KIAA1328: variants seen among roughly 807,000 people sequenced by gnomAD.
KIAA1328 encodes KIAA1328, also known as protein hinderin.
Under a neutral mutation model 68.1 loss-of-function variants are expected in KIAA1328, and 52 were observed. That is an observed-to-expected ratio of 0.76 (90% CI 0.61 to 0.96). KIAA1328 has a LOEUF of 0.96. KIAA1328 is among the 40% of genes least tolerant of loss of function. KIAA1328 has a pLI of 0.00. For missense variants in KIAA1328, 641 were observed against 677.6 expected, an observed-to-expected ratio of 0.95 and a Z score of 0.60; for synonymous variants, 232 against 239.4, an observed-to-expected ratio of 0.97 and a Z score of 0.28.
intron 6 of KIAA1328, among the ~76,000 whole-genome samples, chr18:37,001,418 T>A (rs1054496123): frequency 6.6e-6 from 1 of 152,112 alleles, no homozygotes; most frequent in African/African-American, 2.4e-5. Flanking sequence ...ACTGGATAGA[T>A]TCACAGCCAA....
intron 9 of KIAA1328, among the ~76,000 whole-genome samples, chr18:37,182,902 A>G (rs918342153): frequency 1.3e-5 from 2 of 152,202 alleles, no homozygotes; most frequent in African/African-American, 2.4e-5. Flanking sequence ...TCTGGGAAAC[A>G]AGACTTCTTT....
rs1001128581 is a variant in KIAA1328, at chr18:37,205,818, G to A, written c.1524-16199G>A. On this transcript the variant is annotated intron_variant, in intron 9 of 9. Coordinates refer to ENST00000280020, the MANE Select transcript of KIAA1328 (RefSeq NM_020776.3). ...CATGCTAAGATTTACATCTATAGGGGACCATGAGGTCCAGCAGGGCATTAA... is the reference window on the plus strand; with the variant it reads ...CATGCTAAGATTTACATCTATAGGGAACCATGAGGTCCAGCAGGGCATTAA... Among the ~76,000 whole-genome samples the A allele has an allele frequency of 2.0e-5, 3 of 152,150 alleles. No individual in the cohort carries two copies. The South Asian group carries it at 6.2e-4, about 32-fold the overall frequency.
intron 5 of KIAA1328, among the ~76,000 whole-genome samples, chr18:36,919,195 C>G (rs978974987): frequency 2.6e-5 from 4 of 152,148 alleles, no homozygotes; most frequent in Admixed American, 2.6e-4. Flanking sequence ...GTTAATACTT[C>G]TCATGAAATC....
intron 9 of KIAA1328, among the ~76,000 whole-genome samples, chr18:37,181,309 G>A (rs1311962967): frequency 6.6e-6 from 1 of 152,022 alleles, no homozygotes; most frequent in East Asian, 1.9e-4. Flanking sequence ...AAACATGCCT[G>A]TCTCCCATGT....
chr18:37,188,213 TC>T (rs1251693191), intron 9 of KIAA1328, among the ~76,000 whole-genome samples: 1 of 152,202 alleles, frequency 6.6e-6, no homozygotes, highest in Non-Finnish European at 1.5e-5. Context: ...TTAGTCAGCA[TC>T]CCTTCATTCC....
chr18:37,079,901 AC>A (rs1279600886), intron 7 of KIAA1328, among the ~76,000 whole-genome samples: 6 of 151,402 alleles, frequency 4.0e-5, no homozygotes, highest in African/African-American at 7.3e-5. Flanking sequence ...AAAAAAAAAA[AC>A]AGTTCAATAA....
intron 6 of KIAA1328, among the ~76,000 whole-genome samples, chr18:36,990,698 T>G (rs2053141829): frequency 6.6e-6 from 1 of 151,626 alleles, no homozygotes; most frequent in South Asian, 2.1e-4. Context: ...ATATTTGTGT[T>G]TTTTTCTAAT....
chr18:37,226,113 T>A (rs186748887), downstream of KIAA1328, among the ~76,000 whole-genome samples: 2 of 152,244 alleles, frequency 1.3e-5, no homozygotes, highest in Admixed American at 1.3e-4. Flanking sequence ...CTCTCTTTCC[T>A]TTTGCAGCAA....
chr18:37,164,082 T>C (rs1408102215), intron 8 of KIAA1328, among the ~76,000 whole-genome samples: 1 of 152,210 alleles, frequency 6.6e-6, no homozygotes, highest in African/African-American at 2.4e-5. Flanking sequence ...TTCTCTAAAA[T>C]GGAAAGAAAT....
chr18:37,079,323 C>A (rs56294516), intron 7 of KIAA1328, among the ~76,000 whole-genome samples: 122 of 86,846 alleles, frequency 1.4e-3, no homozygotes, highest in African/African-American at 2.2e-3. Context: ...CACAGCGGGG[C>A]CTGTTGTGGG....
intron 4 of KIAA1328, among the ~76,000 whole-genome samples, chr18:36,871,935 G>T (rs1341329460): frequency 3.9e-5 from 6 of 152,068 alleles, no homozygotes; most frequent in Admixed American, 3.9e-4. Context: ...GAACTCTCTT[G>T]CAGGCTTTTT....
chr18:37,214,285 C>T (rs2060380083), intron 9 of KIAA1328, among the ~76,000 whole-genome samples: 1 of 152,100 alleles, frequency 6.6e-6, no homozygotes, highest in Non-Finnish European at 1.5e-5. Flanking sequence ...GGTTTTAGGT[C>T]TAACATTTAA....
intron 7 of KIAA1328, among the ~76,000 whole-genome samples, chr18:37,072,320 C>A (rs2056564546): frequency 6.6e-6 from 1 of 151,004 alleles, no homozygotes; most frequent in African/African-American, 2.4e-5. Context: ...TCTATCAGCA[C>A]TTGACAAATG....
At chr18:36,980,109 C>A (rs2052625265) in intron 6 of KIAA1328, among the ~76,000 whole-genome samples, 2 of 152,204 alleles carry the variant, frequency 1.3e-5, no homozygotes, top group Non-Finnish European at 2.9e-5. Context: ...AAGCAGAGAG[C>A]AGCCCTTACT....
In KIAA1328 at chr18:37,024,203, G is replaced by A. The variant is rs370318985; in HGVS notation, c.577-42687G>A. On this transcript the variant is annotated intron_variant, in intron 6 of 9. Transcript: ENST00000280020. The stretch of plus-strand genomic sequence containing the variant: ...GAGATGGGGTACTGCTATGTTGATC[G>A]GGCTGGTCCTGAACGAATGAACTCT... Among the ~76,000 whole-genome samples, 5 of 151,786 alleles carry A rather than the reference G, an allele frequency of 3.3e-5. No individual in the cohort carries two copies. The East Asian group carries it at 7.8e-4, about 24-fold the overall frequency.
chr18:36,952,197 A>T (rs547698884), intron 5 of KIAA1328, among the ~76,000 whole-genome samples: 45 of 152,190 alleles, frequency 3.0e-4, no homozygotes, highest in African/African-American at 9.9e-4. Flanking sequence ...CAGCCTACCT[A>T]CCTGGTACAT....
At chr18:37,015,049 C>T (rs555963883) in intron 6 of KIAA1328, among the ~76,000 whole-genome samples, 12 of 152,188 alleles carry the variant, frequency 7.9e-5, no homozygotes, top group East Asian at 3.9e-4. Context: ...ATTACAGGCA[C>T]GCACTGCCAT....
At chr18:37,132,485 C>T (rs1232748815) in intron 7 of KIAA1328, among the ~76,000 whole-genome samples, 1 of 152,116 alleles carries the variant, frequency 6.6e-6, no homozygotes, top group Non-Finnish European at 1.5e-5. Context: ...GTGAGGTTTA[C>T]GTCCATCTAT....
At chr18:37,042,547 A>G (rs2151628726) in intron 6 of KIAA1328, among the ~76,000 whole-genome samples, 1 of 152,212 alleles carries the variant, frequency 6.6e-6, no homozygotes, top group East Asian at 1.9e-4. Flanking sequence ...ATTTTTTTCA[A>G]AACTTTGAAT....
Sources: gnomAD v4.1 joint callset for allele counts (sites outside exome capture counted in the v4.1 genomes callset) on GRCh38, gnomAD v4.1.1 for gene constraint, MANE v1.5 for transcripts, NCBI Gene and HGNC (gene_info 2026-07-23, HGNC 2026-07-21) for gene names.